Variants in EIF5 observed in about 807,000 individuals in gnomAD.
The protein encoded by EIF5 is eukaryotic translation initiation factor 5.
Under a neutral mutation model 48.3 loss-of-function variants are expected in EIF5, and 10 were observed. The ratio of observed to expected loss-of-function variants is 0.21; its 90% CI spans 0.13 to 0.35. The LOEUF (loss-of-function observed/expected upper bound fraction) is 0.35, where lower values mean the gene tolerates loss of function less well. EIF5 is among the 10% of genes least tolerant of loss of function. The pLI is 1.00. For synonymous variants in EIF5, 237 were observed against 173.1 expected (o/e 1.37, Z -2.90); for missense variants, 397 against 533.2 (o/e 0.74, Z 2.51).
At position 103,341,547 on chromosome 14, in the gene EIF5, A is replaced by G. The variant is rs1166335715; in HGVS notation, c.*495A>G. ...ATTAATTTATTCAGCCCATTAAGAAAGTACTAAAGTTTTATCTCTGTAGTT... is the reference window on the plus strand; with the variant it reads ...ATTAATTTATTCAGCCCATTAAGAAGGTACTAAAGTTTTATCTCTGTAGTT... On this transcript the variant is annotated 3_prime_UTR_variant, in exon 12 of 12. Coordinates refer to ENST00000216554, the MANE Select transcript of EIF5 (RefSeq NM_001969.5). 6.4e-6 allele frequency: 1 copy of G among 156,020 alleles called. No homozygotes were observed. Among genetic ancestry groups the G allele is most frequent in the Non-Finnish European group, 1.4e-5 (1 of 70,078 alleles). The allele number at this position is 156,020 out of a possible 1,614,324, so 9.7% of individuals were successfully genotyped here.
rs1393484402 is a variant in EIF5 at position 103,341,367 on chromosome 14, T to C, written c.*315T>C. The C allele has an allele frequency of 4.6e-6, 1 of 217,344 alleles. No individual in the cohort carries two copies. Among genetic ancestry groups the C allele is most frequent in the African/African-American group, 2.3e-5 (1 of 43,938 alleles). 13.5% of individuals were successfully genotyped at this position (217,344 alleles called of 1,614,324 possible). A position where few individuals can be genotyped will look rare whatever the true frequency, so the allele number is the denominator to read the frequency against. On this transcript the variant is annotated 3_prime_UTR_variant, in exon 12 of 12. Coordinates refer to ENST00000216554, the MANE Select transcript of EIF5 (RefSeq NM_001969.5). ...TGATTTTGGTCGTTCTTCAGATGTT[T>C]GGCTCTGAATGACTTAAGCTGAAGT...
In EIF5 at chr14:103,339,896, T is replaced by C. The variant is rs762782991; in HGVS notation, c.1071+93T>C. The C allele has an allele frequency of 1.2e-4, 173 of 1,410,080 alleles. 4 individuals are homozygous for C. The South Asian group carries it at 2.1e-3, about 17-fold the overall frequency. The allele number at this position is 1,410,080 out of a possible 1,614,324, so 87.3% of individuals were successfully genotyped here. A position where few individuals can be genotyped will look rare whatever the true frequency, so the allele number is the denominator to read the frequency against. On this transcript the variant is annotated intron_variant, in intron 10 of 11. Coordinates refer to ENST00000216554, the MANE Select transcript of EIF5 (RefSeq NM_001969.5). ...TTTTTGGAGACGGAGTCTCATTCTG[T>C]TGTCCAGGCAGGAGTACAGTGGTAT...
intron 2 of EIF5, chr14:103,335,020 G>C (rs1595361511): frequency 6.6e-6 from 1 of 152,338 alleles, no homozygotes; most frequent in African/African-American, 2.4e-5. Context: ...CAGCCCCCGC[G>C]GAAACGCCTC....
chr14:103,336,202 A>G (rs898113209), intron 4 of EIF5, 85 bp downstream of exon 4: 3 of 1,299,844 alleles, frequency 2.3e-6, no homozygotes, highest in South Asian at 1.3e-5. Flanking sequence ...TTCTAATTGT[A>G]TGCTAGCTAA....
chr14:103,334,284 C>G (rs1448949286), intron 1 of EIF5, 24 bp downstream of exon 1: 1 of 152,272 alleles, frequency 6.6e-6, no homozygotes, highest in Non-Finnish European at 1.5e-5. Flanking sequence ...AGGGGCGGCC[C>G]CCTGCCCGGT....
intron 2 of EIF5, 27 bp from the exon 3 acceptor site, chr14:103,335,626 T>C: frequency 3.6e-6 from 2 of 560,620 alleles, no homozygotes; most frequent in South Asian, 4.6e-5. Flanking sequence ...GGGGGATTTT[T>C]GTGTGTTCTT....
At chr14:103,338,112 A>T (rs146310156) in intron 6 of EIF5, 1 of 708,268 alleles carries the variant, frequency 1.4e-6, no homozygotes, top group African/African-American at 1.8e-5. Context: ...AATACCCCTA[A>T]TATTTTGTGT....
In EIF5 at chr14:103,335,950, A is replaced by G. The variant is rs777723998; in HGVS notation, c.72+18A>G. On this transcript the variant is annotated intron_variant, in intron 3 of 11. Coordinates refer to ENST00000216554, the MANE Select transcript of EIF5 (RefSeq NM_001969.5). ...TTGCCAAGGTAATAAACTGCTCTTC[A>G]ATTTAGTTGATAGCTCTTTTTGTAG... The G allele has an allele frequency of 2.5e-6, 4 of 1,614,148 alleles. No individual in the cohort carries two copies. The highest frequency in any genetic ancestry group is 1.7e-5 in the Admixed American group (1 of 60,020).
Position 103,338,348 on chromosome 14 carries a change from G to A in EIF5, c.461G>A (p.Gly154Glu), listed in dbSNP as rs1406603778. The A allele has an allele frequency of 6.2e-7, 1 of 1,613,722 alleles. No individual in the cohort carries two copies. Among genetic ancestry groups the A allele is most frequent in the Non-Finnish European group, 8.5e-7 (1 of 1,179,900 alleles). Residue 154 changes from glycine (G) to glutamate (E), a missense_variant, in exon 7 of 12, where the codon GGA becomes GAA. Gly to Glu is a moderately conservative substitution (Grantham distance 98). This residue lies in a region of EIF5 where 126 missense variants were observed against 141.9 expected (regional missense o/e 0.89). Coordinates refer to ENST00000216554, the MANE Select transcript of EIF5 (RefSeq NM_001969.5). ...NPPENSDSGTGKKEKEKKNRK... is the reference protein window; with the variant it reads ...NPPENSDSGTEKKEKEKKNRK... ...GTAGAGAATAGTGACAGTGGTACAGGAAAGAAAGAAAAAGAAAAGAAAAAC... is the reference window on the plus strand; with the variant it reads ...GTAGAGAATAGTGACAGTGGTACAGAAAAGAAAGAAAAAGAAAAGAAAAAC...
chr14:103,339,648 A>G lies in EIF5; in HGVS notation c.916A>G (p.Asn306Asp). 6.2e-7 allele frequency: 1 copy of G among 1,614,224 alleles called. No individual in the cohort carries two copies. Among genetic ancestry groups the G allele is most frequent in the Non-Finnish European group, 8.5e-7 (1 of 1,180,026 alleles). The change falls in exon 10 of 12, where the codon AAC becomes GAC. Residue 306 changes from asparagine (N) to aspartate (D), a missense_variant. Asn to Asp is a conservative substitution (Grantham distance 23). Coordinates refer to ENST00000216554, the MANE Select transcript of EIF5 (RefSeq NM_001969.5). ...AGGTGTCTATTTGCAGTTTTGTCAC[A>G]ACAACAAAAAAGCCCAACGGTACCT... ...YRRHFLRFCH[N>D]NKKAQRYLLH...
intron 6 of EIF5, 137 bp downstream of exon 6, chr14:103,337,364 GGAGGCCAGGGCGGGCACATCACTT>G (rs1236761458): frequency 4.2e-6 from 3 of 710,854 alleles, no homozygotes; most frequent in Non-Finnish European, 4.5e-6. Context: ...CCGCATTTTG[GGAGGCCAGGGCGGGCACATCACTT>G]GAGGCCAGGA....
In EIF5 at chr14:103,340,576, A is replaced by AGG. The variant is rs779961732; in HGVS notation, c.1206+16_1206+17dup. 8.1e-6 allele frequency: 13 copies of AGG among 1,605,716 alleles called. No homozygotes were observed. The African/African-American group carries it at 1.6e-4, about 20-fold the overall frequency. On this transcript the variant is annotated intron_variant, in intron 11 of 11. Transcript: ENST00000216554. Reference sequence around the variant, plus strand: ...AGAACATTGAGGTAAACATTGGGGGAGGAGGGTATTGGATACAGTGCTGGC... The same window carrying AGG: ...AGAACATTGAGGTAAACATTGGGGGAGGGGAGGGTATTGGATACAGTGCTGGC...
In EIF5 at chr14:103,343,804, A is replaced by C. The variant is rs964622838; in HGVS notation, c.*2752A>C. On this transcript the variant is annotated 3_prime_UTR_variant, in exon 12 of 12. Transcript: ENST00000216554. ...GCATAGGTACTGTTGTACCAAGGTC[A>C]CTTATCTAACAAAATAACCCTTCAT... is the stretch of plus-strand genomic sequence containing the variant. 1 of 152,232 alleles carries C rather than the reference A, an allele frequency of 6.6e-6. No homozygotes were observed. Among genetic ancestry groups the C allele is most frequent in the Non-Finnish European group, 1.5e-5 (1 of 68,034 alleles). 9.4% of individuals were successfully genotyped at this position (152,232 alleles called of 1,614,324 possible). A position where few individuals can be genotyped will look rare whatever the true frequency, so the allele number is the denominator to read the frequency against.
rs555405415 is a variant in EIF5 at position 103,341,086 on chromosome 14, G to A, written c.*34G>A. On this transcript the variant is annotated 3_prime_UTR_variant, in exon 12 of 12. Transcript: ENST00000216554. ...ATGCAACCTAGCTTAACAGTATAAT[G>A]CTGCAAATTTTCCTCCATTATCAGC... 1 of 1,603,642 alleles carries A rather than the reference G, an allele frequency of 6.2e-7. No individual in the cohort carries two copies. Among genetic ancestry groups the A allele is most frequent in the Non-Finnish European group, 8.5e-7 (1 of 1,171,160 alleles).
rs1004512667 is a variant in EIF5, at chr14:103,343,054, T to G, written c.*2002T>G. The stretch of plus-strand genomic sequence containing the variant: ...TCGAATGGAATACAAATTCACATAA[T>G]CTGAACTTTGTTCACAGGTTATCCT... On this transcript the variant is annotated 3_prime_UTR_variant, in exon 12 of 12. Coordinates refer to ENST00000216554, the MANE Select transcript of EIF5 (RefSeq NM_001969.5). The G allele has an allele frequency of 2.0e-5, 3 of 152,670 alleles. No individual in the cohort carries two copies. The highest frequency in any genetic ancestry group is 4.4e-5 in the Non-Finnish European group (3 of 68,042). The allele number at this position is 152,670 out of a possible 1,614,324, so 9.5% of individuals were successfully genotyped here.
intron 6 of EIF5, 141 bp downstream of exon 6, chr14:103,337,368 G>T: frequency 1.5e-6 from 1 of 673,142 alleles, no homozygotes; most frequent in Non-Finnish European, 2.4e-6. Flanking sequence ...ATTTTGGGAG[G>T]CCAGGGCGGG....
At chr14:103,336,504 C>G (rs2089288131) in intron 4 of EIF5, 173 bp from the exon 5 acceptor site, 1 of 663,598 alleles carries the variant, frequency 1.5e-6, no homozygotes, top group South Asian at 2.2e-5. Flanking sequence ...TCGCTTGAAC[C>G]CCGGAAACGG....
At chr14:103,340,767 T>C (rs2089344084) in intron 11 of EIF5, among the ~76,000 whole-genome samples, 196 bp from the exon 12 acceptor site, 1 of 151,106 alleles carries the variant, frequency 6.6e-6, no homozygotes, top group Non-Finnish European at 1.5e-5. Flanking sequence ...CATTATAGTC[T>C]ATAAAAAAAC....
chr14:103,340,511 G>A lies in EIF5; in HGVS notation c.1156G>A (p.Glu386Lys), dbSNP rs1393607406. The A allele has an allele frequency of 1.9e-6, 3 of 1,613,256 alleles. No homozygotes were observed. The highest frequency in any genetic ancestry group is 1.3e-5 in the African/African-American group (1 of 75,048). ...EPFIKWLKEA[E>K]EESSGGEEED... is the part of the protein sequence containing the mutation. The stretch of plus-strand genomic sequence containing the variant: ...ATTTATAAAATGGTTGAAGGAGGCA[G>A]AGGAAGAATCTTCTGGTGGCGAAGA... The change falls in exon 11 of 12, where the codon GAG becomes AAG. Residue 386 changes from glutamate (E) to lysine (K), a missense_variant. Around this residue, in one of 4 missense-constraint regions of EIF5, gnomAD observed 160 missense variants for 184.8 expected, o/e 0.87. Transcript: ENST00000216554.
Sources: gnomAD v4.1 joint callset for allele counts (sites outside exome capture counted in the v4.1 genomes callset) on GRCh38, gnomAD v4.1.1 for gene constraint, gnomAD v4.1.1 regional missense constraint, MANE v1.5 for transcripts, NCBI Gene and HGNC (gene_info 2026-07-23, HGNC 2026-07-21) for gene names.